The following ADORA2A variants were observed in gnomAD, a reference collection of about 807,000 sequenced individuals.
ADORA2A encodes the protein adenosine A2a receptor.
In ADORA2A, 11 loss-of-function variants were observed where a neutral mutation model predicts 18.4. The ratio of observed to expected loss-of-function variants is 0.60; its 90% CI spans 0.38 to 0.99. The LOEUF is 0.99. Among genes scored for constraint, ADORA2A ranks in the 50% least tolerant of loss-of-function variants. ADORA2A has a pLI of 0.01. For synonymous variants in ADORA2A, 218 were observed against 237.3 expected, an observed-to-expected ratio of 0.92 and a Z score of 0.75; for missense variants, 449 against 556.1, an observed-to-expected ratio of 0.81 and a Z score of 1.94.
At chr22:24,431,726 AG>A (rs1466205857) in intron 1 of ADORA2A, 1 of 351,376 alleles carries the variant, frequency 2.8e-6, no homozygotes, top group African/African-American at 2.1e-5. Flanking sequence ...GCTCTCAAAG[AG>A]GGGCAATTTA....
chr22:24,428,480 T>C (rs563057725), intron 1 of ADORA2A, among the ~76,000 whole-genome samples: 2 of 152,336 alleles, frequency 1.3e-5, no homozygotes, highest in African/African-American at 4.8e-5. Flanking sequence ...TTTGTATTAT[T>C]TCTTGTTCAT....
At chr22:24,440,554 G>C in intron 2 of ADORA2A, 29 bp from the exon 3 acceptor site, 1 of 1,529,334 alleles carries the variant, frequency 6.5e-7, no homozygotes, top group Middle Eastern at 1.8e-4. Context: ...TGGCTTCTCA[G>C]ATCTCTGATG....
chr22:24,440,634 C>G lies in ADORA2A; in HGVS notation c.384C>G (p.Cys128Trp). The change falls in exon 3 of 3, where the codon TGC (cysteine) becomes TGG (tryptophan). Residue 128 changes from cysteine to tryptophan, a missense_variant. By Grantham distance (215) the Cys-to-Trp change is radical. Transcript: ENST00000337539. The part of the protein sequence containing the change: ...GTRAKGIIAI[C>W]WVLSFAIGLT... Reference sequence around the variant, plus strand: ...GGGCTAAGGGCATCATTGCCATCTGCTGGGTGCTGTCGTTTGCCATCGGCC... The same window carrying G: ...GGGCTAAGGGCATCATTGCCATCTGGTGGGTGCTGTCGTTTGCCATCGGCC... The G allele has an allele frequency of 1.9e-6, 3 of 1,599,334 alleles. No individual in the cohort carries two copies. Among genetic ancestry groups the G allele is most frequent in the Non-Finnish European group, 2.6e-6 (3 of 1,170,464 alleles).
upstream of ADORA2A, among the ~76,000 whole-genome samples, chr22:24,425,216 G>A (rs1348188160): frequency 2.6e-5 from 4 of 151,522 alleles, no homozygotes; most frequent in African/African-American, 9.7e-5. Flanking sequence ...ATGGTGGAGG[G>A]TTCTGTGGAG....
chr22:24,434,167 A>C (rs2043118376), intron 2 of ADORA2A, among the ~76,000 whole-genome samples: 1 of 152,110 alleles, frequency 6.6e-6, no homozygotes, highest in South Asian at 2.1e-4. Context: ...GCCAGGGGAA[A>C]CCATAGGACC....
chr22:24,438,317 G>GT (rs1483695542), intron 2 of ADORA2A: 2 of 152,196 alleles, frequency 1.3e-5, no homozygotes, highest in Admixed American at 1.3e-4. Context: ...CAGAACCCAG[G>GT]AAGGGATATG....
intron 1 of ADORA2A, chr22:24,431,491 C>G (rs759272278): frequency 3.3e-5 from 15 of 456,686 alleles, no homozygotes; most frequent in South Asian, 1.9e-4. Flanking sequence ...GGGAGCCTGG[C>G]CCTTTGAACA....
intron 1 of ADORA2A, chr22:24,430,824 G>A (rs2043013330): frequency 5.9e-6 from 2 of 338,218 alleles, no homozygotes; most frequent in South Asian, 2.3e-5. Flanking sequence ...CCTAGAGAGG[G>A]CCGTGGTGGG....
At chr22:24,430,959 T>C in intron 1 of ADORA2A, 1 of 366,596 alleles carries the variant, frequency 2.7e-6, no homozygotes, top group Non-Finnish European at 5.4e-6. Context: ...GCCAGGCACC[T>C]GGGTGGGAGG....
At chr22:24,435,384 T>C (rs1375666097) in intron 2 of ADORA2A, among the ~76,000 whole-genome samples, 1 of 152,314 alleles carries the variant, frequency 6.6e-6, no homozygotes, top group East Asian at 1.9e-4. Flanking sequence ...TGCACACTGA[T>C]GGGATGCTCT....
At chr22:24,424,962 G>A (rs1365041940), upstream of ADORA2A, among the ~76,000 whole-genome samples, 1 of 152,104 alleles carries the variant, frequency 6.6e-6, no homozygotes, top group Non-Finnish European at 1.5e-5. This position sits in a 1 kb window ranked among gnomAD's most constrained non-coding sequence, Gnocchi z 4.9. Context: ...CTGCAAAGAC[G>A]CGCAGGTGTT....
chr22:24,432,661 G>C (rs2043070298), intron 1 of ADORA2A: 1 of 152,642 alleles, frequency 6.6e-6, no homozygotes, highest in Non-Finnish European at 1.5e-5. Context: ...CCTGAGTCCA[G>C]AGTGGGAGGC....
In ADORA2A at chr22:24,437,754, T is replaced by C. The variant is rs541506037; in HGVS notation, c.333-2829T>C. 3.3e-5 allele frequency among the ~76,000 whole-genome samples: 5 copies of C among 152,392 alleles called. No homozygotes were observed. The East Asian group carries it at 9.6e-4, about 29-fold the overall frequency. On this transcript the variant is annotated intron_variant, in intron 2 of 2. Transcript: ENST00000337539. ...TTTCTGTCCCCACACGGGACTTTCT[T>C]TGCAGAGTACGGTGGAAGACTCCCC...
chr22:24,425,063 G>A (rs966238407), upstream of ADORA2A, among the ~76,000 whole-genome samples: 16 of 152,128 alleles, frequency 1.1e-4, no homozygotes, highest in Non-Finnish European at 7.4e-5. Flanking sequence ...GCCACACACA[G>A]GGCCTTCTCC....
chr22:24,436,242 T>A (rs973426187), intron 2 of ADORA2A, among the ~76,000 whole-genome samples: 3 of 152,056 alleles, frequency 2.0e-5, no homozygotes, highest in Non-Finnish European at 4.4e-5. Flanking sequence ...TTGGTGACAC[T>A]CCTGGCCGGC....
At chr22:24,438,030 C>T (rs1001477358) in intron 2 of ADORA2A, among the ~76,000 whole-genome samples, 1 of 152,280 alleles carries the variant, frequency 6.6e-6, no homozygotes, top group African/African-American at 2.4e-5. Flanking sequence ...GGCAGCTCTG[C>T]AACACCCCTG....
At chr22:24,426,014 G>GGACA (rs1461906535), upstream of ADORA2A, among the ~76,000 whole-genome samples, 1 of 152,190 alleles carries the variant, frequency 6.6e-6, no homozygotes, top group African/African-American at 2.4e-5. Flanking sequence ...GAGGGTCAGG[G>GGACA]GACACCACAG....
intron 2 of ADORA2A, 127 bp downstream of exon 2, chr22:24,433,863 G>C: frequency 1.7e-6 from 2 of 1,187,708 alleles, no homozygotes; most frequent in Non-Finnish European, 2.3e-6. Flanking sequence ...GCTGGCGACG[G>C]GGCCCCAGGC....
chr22:24,427,777 T>C (rs2146862260), intron 1 of ADORA2A, 31 bp downstream of exon 1: 1 of 151,346 alleles, frequency 6.6e-6, no homozygotes, highest in Non-Finnish European at 1.5e-5. Context: ...GAGGAGGGGG[T>C]GCTGTGGCCT....
Sources: allele counts gnomAD v4.1 joint callset (sites outside exome capture counted in the v4.1 genomes callset), GRCh38; gene constraint gnomAD v4.1.1; non-coding constraint Gnocchi (gnomAD v3.1); transcripts MANE v1.5; gene names NCBI Gene and HGNC (gene_info 2026-07-23, HGNC 2026-07-21).